The following REC114 variants were observed in gnomAD, a reference collection of about 807,000 sequenced individuals.
REC114 encodes the protein meiotic recombination protein REC114.
A neutral mutation model predicts 31.3 loss-of-function variants in REC114; 27 were observed. The ratio of observed to expected loss-of-function variants is 0.86; its 90% CI spans 0.64 to 1.19. The LOEUF is 1.19. Among genes scored for constraint, REC114 ranks in the 50% most tolerant of loss-of-function variants. The pLI is 0.00. For synonymous variants in REC114, 134 were observed against 127.7 expected (o/e 1.05, Z -0.33); for missense variants, 344 against 326.9 (o/e 1.05, Z -0.40).
chr15:73,450,515 G>C (rs1892829330), intron 1 of REC114, among the ~76,000 whole-genome samples: 1 of 152,190 alleles, frequency 6.6e-6, no homozygotes, highest in African/African-American at 2.4e-5. Context: ...AAGAGACTTA[G>C]ACTTCCACAC....
chr15:73,538,744 C>T (rs976584887), intron 2 of REC114, among the ~76,000 whole-genome samples: 6 of 151,990 alleles, frequency 3.9e-5, no homozygotes, highest in African/African-American at 1.2e-4. Flanking sequence ...CGTGAGCCAC[C>T]GCACCTGGCT....
At chr15:73,471,346 C>G (rs1893129833) in intron 1 of REC114, among the ~76,000 whole-genome samples, 1 of 151,856 alleles carries the variant, frequency 6.6e-6, no homozygotes. Flanking sequence ...CATGGTTTAG[C>G]CAAAGAAATG....
intron 2 of REC114, among the ~76,000 whole-genome samples, chr15:73,489,562 C>CTTA (rs1303647620): frequency 6.6e-6 from 1 of 151,798 alleles, no homozygotes; most frequent in African/African-American, 2.4e-5. Flanking sequence ...GCCCTCATGA[C>CTTA]TTATTATTTC....
At chr15:73,516,746 G>C (rs1348732729) in intron 2 of REC114, among the ~76,000 whole-genome samples, 1 of 152,118 alleles carries the variant, frequency 6.6e-6, no homozygotes, top group Non-Finnish European at 1.5e-5. Context: ...TCCCGCCTCA[G>C]CCTCCCGAGT....
intron 2 of REC114, among the ~76,000 whole-genome samples, chr15:73,507,468 C>T (rs1440708646): frequency 6.6e-6 from 1 of 152,076 alleles, no homozygotes; most frequent in Admixed American, 6.5e-5. Flanking sequence ...AGATTGGATA[C>T]CCCTGATCTG....
chr15:73,507,130 T>C (rs1483477130), intron 2 of REC114, among the ~76,000 whole-genome samples: 1 of 152,174 alleles, frequency 6.6e-6, no homozygotes, highest in Non-Finnish European at 1.5e-5. Flanking sequence ...ATAAAGGATA[T>C]CTACAATTAA....
intron 4 of REC114, 37 bp downstream of exon 4, chr15:73,551,187 G>A: frequency 6.5e-7 from 1 of 1,548,558 alleles, no homozygotes; most frequent in Non-Finnish European, 8.8e-7. Context: ...CAGGAAACAT[G>A]ACAATGCAGT....
intron 1 of REC114, among the ~76,000 whole-genome samples, chr15:73,458,472 T>C (rs1305922907): frequency 6.6e-6 from 1 of 152,234 alleles, no homozygotes; most frequent in African/African-American, 2.4e-5. Flanking sequence ...AGCATGCTTT[T>C]TTTGAAGAGT....
chr15:73,515,803 G>GA (rs1941756528), intron 2 of REC114, among the ~76,000 whole-genome samples: 1 of 152,130 alleles, frequency 6.6e-6, no homozygotes, highest in Non-Finnish European at 1.5e-5. Flanking sequence ...TGTGAGAAAT[G>GA]AAATATCTGT....
At chr15:73,489,579 G>T (rs1002766845) in intron 2 of REC114, among the ~76,000 whole-genome samples, 3 of 151,422 alleles carry the variant, frequency 2.0e-5, no homozygotes, top group South Asian at 2.1e-4. Context: ...TTTCTTAAAG[G>T]CCCACCTCTT....
At chr15:73,486,317 C>T (rs1000261292) in intron 2 of REC114, among the ~76,000 whole-genome samples, 4 of 152,204 alleles carry the variant, frequency 2.6e-5, no homozygotes, top group Admixed American at 2.0e-4. Flanking sequence ...AGGCTGGTCT[C>T]GAGCTCCTGA....
At chr15:73,463,524 T>C (rs1191350531) in intron 1 of REC114, among the ~76,000 whole-genome samples, 2 of 152,218 alleles carry the variant, frequency 1.3e-5, no homozygotes, top group Non-Finnish European at 2.9e-5. Flanking sequence ...CATTTACCAC[T>C]TAAAAAATGA....
intron 2 of REC114, among the ~76,000 whole-genome samples, chr15:73,517,518 G>GA (rs943144252): frequency 6.6e-6 from 1 of 152,156 alleles, no homozygotes; most frequent in African/African-American, 2.4e-5. Flanking sequence ...TTTTAGAAGT[G>GA]AGGGGGGGAA....
In REC114 at chr15:73,500,746, T is replaced by TC. The variant is rs1462501979; in HGVS notation, c.249+26826dup. Among the ~76,000 whole-genome samples, 20 of 146,640 alleles carry TC rather than the reference T, an allele frequency of 1.4e-4. 1 individual carries two copies. Among genetic ancestry groups the TC allele is most frequent in the East Asian group, 6.1e-4 (3 of 4,904 alleles). The stretch of plus-strand genomic sequence containing the variant: ...AATTATTGTTTTTTTTTTTTTTTTT[T>TC]CACTGCTGGTAACATCATTTTCTTG... On this transcript the variant is annotated intron_variant, in intron 2 of 5. Transcript: ENST00000331090.
chr15:73,451,587 T>G (rs539700870), intron 1 of REC114, among the ~76,000 whole-genome samples: 1 of 152,314 alleles, frequency 6.6e-6, no homozygotes, highest in Admixed American at 6.5e-5. Context: ...TGTGAAACTA[T>G]TCTAAACAAT....
chr15:73,466,227 C>G (rs1893056668), intron 1 of REC114, among the ~76,000 whole-genome samples: 1 of 151,924 alleles, frequency 6.6e-6, no homozygotes. Context: ...TGAAATTGTT[C>G]ATTAACTAAT....
chr15:73,543,626 G>C (rs945512574), intron 3 of REC114, among the ~76,000 whole-genome samples: 1 of 152,152 alleles, frequency 6.6e-6, no homozygotes, highest in African/African-American at 2.4e-5. Context: ...ATCACACCTA[G>C]CTGTAAATGG....
chr15:73,475,481 T>C (rs1289083115), intron 2 of REC114, among the ~76,000 whole-genome samples: 1 of 152,212 alleles, frequency 6.6e-6, no homozygotes, highest in African/African-American at 2.4e-5. Context: ...CTTGTAGGCA[T>C]AGGCTAATGT....
At chr15:73,487,794 T>A (rs1893391410) in intron 2 of REC114, among the ~76,000 whole-genome samples, 1 of 152,224 alleles carries the variant, frequency 6.6e-6, no homozygotes, top group Non-Finnish European at 1.5e-5. Context: ...AGGGAGTCCT[T>A]GCAGTAGCCC....
Sources: allele counts gnomAD v4.1 joint callset (sites outside exome capture counted in the v4.1 genomes callset), GRCh38; gene constraint gnomAD v4.1.1; transcripts MANE v1.5; gene names NCBI Gene and HGNC (gene_info 2026-07-23, HGNC 2026-07-21).